The following GALNT13 variants were observed in gnomAD, a reference collection of about 807,000 sequenced individuals.
GALNT13 encodes the protein UDP-GalNAc:polypeptide N-acetylgalactosaminyltransferase 13.
Under a neutral mutation model 64.2 loss-of-function variants are expected in GALNT13, and 28 were observed. The ratio of observed to expected loss-of-function variants is 0.44; its 90% CI spans 0.32 to 0.60. GALNT13 has a LOEUF of 0.60. Ranked by LOEUF, GALNT13 falls within the 20% of genes least tolerant of loss-of-function variation. The pLI is 0.05. For synonymous variants in GALNT13, 214 were observed against 224.6 expected, an observed-to-expected ratio of 0.95 and a Z score of 0.42; for missense variants, 577 against 669.8, an observed-to-expected ratio of 0.86 and a Z score of 1.53.
intron 4 of GALNT13, among the ~76,000 whole-genome samples, chr2:154,179,588 C>A (rs1244254989): frequency 6.6e-6 from 1 of 152,006 alleles, no homozygotes; most frequent in Non-Finnish European, 1.5e-5. Context: ...AGGGTTGTAT[C>A]TTTGAGTATT....
At chr2:153,114,654 C>A in the GALNT13 span, among the ~76,000 whole-genome samples, 1 of 151,998 alleles carries the variant, frequency 6.6e-6, no homozygotes, top group African/African-American at 2.4e-5. Flanking sequence ...AAATGACAGG[C>A]TAATGGGAAC....
At chr2:154,367,720 A>G (rs1398688084) in intron 9 of GALNT13, among the ~76,000 whole-genome samples, 1 of 152,216 alleles carries the variant, frequency 6.6e-6, no homozygotes, top group Non-Finnish European at 1.5e-5. Flanking sequence ...ATAATGTAAA[A>G]AAAGAGTATG....
rs546601660 is a variant in GALNT13 at position 154,291,147 on chromosome 2, C to T, written c.976-10262C>T. Among the ~76,000 whole-genome samples, 4 of 152,178 alleles carry T rather than the reference C, an allele frequency of 2.6e-5. No individual in the cohort carries two copies. The East Asian group carries it at 7.8e-4, about 30-fold the overall frequency. On this transcript the variant is annotated intron_variant, in intron 8 of 12. Transcript: ENST00000392825. Reference sequence around the variant, plus strand: ...GGTGGCCTTTTATTCCCTTATCTGGCCCCACCCACATCCTACTGATTGGTC... The same window carrying T: ...GGTGGCCTTTTATTCCCTTATCTGGTCCCACCCACATCCTACTGATTGGTC...
chr2:154,148,542 A>G (rs1353985786), intron 4 of GALNT13, among the ~76,000 whole-genome samples: 1 of 152,038 alleles, frequency 6.6e-6, no homozygotes, highest in Non-Finnish European at 1.5e-5. Flanking sequence ...AGTCCCACCA[A>G]CAGTGTAAAA....
intron 2 of GALNT13, among the ~76,000 whole-genome samples, chr2:153,942,875 GTTAAT>G: frequency 6.6e-6 from 1 of 152,212 alleles, no homozygotes; most frequent in East Asian, 1.9e-4. Context: ...GTCAGCTGCT[GTTAAT>G]TTAAAGAGCT....
chr2:154,361,949 T>C (rs2105287214), intron 9 of GALNT13, among the ~76,000 whole-genome samples: 1 of 152,248 alleles, frequency 6.6e-6, no homozygotes, highest in South Asian at 2.1e-4. Flanking sequence ...TCAAGATAAC[T>C]GGCCCTTGAC....
chr2:154,268,656 T>C (rs1447276141), intron 8 of GALNT13, among the ~76,000 whole-genome samples: 1 of 151,864 alleles, frequency 6.6e-6, no homozygotes, highest in African/African-American at 2.4e-5. Flanking sequence ...GAGAGAGGCA[T>C]ACTCCAAAGA....
the GALNT13 span, among the ~76,000 whole-genome samples, chr2:153,732,840 C>T: frequency 6.6e-6 from 1 of 151,948 alleles, no homozygotes. Context: ...GGTATGTGAT[C>T]CAATACTAGC....
the GALNT13 span, among the ~76,000 whole-genome samples, chr2:153,243,152 G>A: frequency 2.6e-5 from 4 of 152,300 alleles, no homozygotes; most frequent in South Asian, 6.2e-4. Flanking sequence ...ACTGAGAGAT[G>A]AGACACCAAT....
chr2:153,108,231 G>A, the GALNT13 span, among the ~76,000 whole-genome samples: 1 of 152,058 alleles, frequency 6.6e-6, no homozygotes. Context: ...TGTTGCTATT[G>A]CAATAAAATA....
chr2:153,613,431 T>C, the GALNT13 span, among the ~76,000 whole-genome samples: 1 of 152,162 alleles, frequency 6.6e-6, no homozygotes, highest in Non-Finnish European at 1.5e-5. Flanking sequence ...AATTTGTCTT[T>C]CTGTCAGATG....
intron 9 of GALNT13, among the ~76,000 whole-genome samples, chr2:154,388,957 A>T (rs1465613947): frequency 2.0e-5 from 3 of 152,168 alleles, no homozygotes; most frequent in Non-Finnish European, 2.9e-5. Context: ...CTTTATCTCA[A>T]TTTTTTATTA....
the GALNT13 span, among the ~76,000 whole-genome samples, chr2:153,387,497 G>A: frequency 6.6e-6 from 1 of 152,022 alleles, no homozygotes; most frequent in Non-Finnish European, 1.5e-5. Flanking sequence ...TGTCGTAAAG[G>A]AGTTTCATTT....
intron 8 of GALNT13, among the ~76,000 whole-genome samples, chr2:154,269,526 C>T (rs1339289420): frequency 6.6e-6 from 1 of 150,908 alleles, no homozygotes; most frequent in African/African-American, 2.4e-5. Context: ...ATAAATCACT[C>T]TCTTAATGAT....
chr2:153,690,410 G>A, the GALNT13 span, among the ~76,000 whole-genome samples: 76,319 of 151,888 alleles, frequency 0.5, 19,619 homozygotes, highest in Middle Eastern at 0.68. Context: ...GAATAAGCAC[G>A]GTTTGAAGCT....
intron 3 of GALNT13, among the ~76,000 whole-genome samples, chr2:154,139,782 A>G (rs1276497584): frequency 6.6e-6 from 1 of 152,070 alleles, no homozygotes; most frequent in Non-Finnish European, 1.5e-5. Flanking sequence ...CCAGAATATT[A>G]TTGTGAAGTT....
the GALNT13 span, among the ~76,000 whole-genome samples, chr2:153,752,950 T>C: frequency 6.6e-6 from 1 of 152,196 alleles, no homozygotes; most frequent in Non-Finnish European, 1.5e-5. Context: ...ATTTTTCCTT[T>C]GAACTCCTTT....
chr2:153,999,871 G>A lies in GALNT13; in HGVS notation c.142+55232G>A, dbSNP rs148879170. Among the ~76,000 whole-genome samples, 27 of 151,982 alleles carry A rather than the reference G, an allele frequency of 1.8e-4. No homozygotes were observed. The East Asian group carries it at 3.7e-3, about 21-fold the overall frequency. On this transcript the variant is annotated intron_variant, in intron 3 of 12. Transcript: ENST00000392825. ...TATTCCCTCCTTTTAAAGTTTTTGC[G>A]TGAGTTTGAGAAGAATTGGTATTAG...
chr2:154,242,160 T>G lies in GALNT13; in HGVS notation c.442T>G (p.Ser148Ala), dbSNP rs760159730. ...VINRSPHYLL[S>A]EVILVDDASE... ...AAATCGTTCCCCACACTATCTACTC[T>G]CAGAGGTCATCTTGGTAGATGATGC... Residue 148 changes from serine to alanine, a missense_variant, in exon 5 of 13, where the codon TCA becomes GCA. Coordinates refer to ENST00000392825, the MANE Select transcript of GALNT13 (RefSeq NM_052917.4). 1.2e-6 allele frequency: 2 copies of G among 1,612,304 alleles called. No individual in the cohort carries two copies. Among genetic ancestry groups the G allele is most frequent in the South Asian group, 1.1e-5 (1 of 90,396 alleles).
Sources: gnomAD v4.1 joint callset for allele counts (sites outside exome capture counted in the v4.1 genomes callset) on GRCh38, gnomAD v4.1.1 for gene constraint, MANE v1.5 for transcripts, NCBI Gene and HGNC (gene_info 2026-07-23, HGNC 2026-07-21) for gene names.